Variants in PPP1R12B observed in about 807,000 individuals in gnomAD.
PPP1R12B encodes the protein protein phosphatase 1 regulatory subunit 12B.
Under a neutral mutation model 126.1 loss-of-function variants are expected in PPP1R12B, and 76 were observed. The ratio of observed to expected loss-of-function variants is 0.60; its 90% CI spans 0.50 to 0.73. PPP1R12B has a LOEUF of 0.73. Among genes scored for constraint, PPP1R12B ranks in the 30% least tolerant of loss-of-function variants. PPP1R12B has a pLI of 0.00. For missense variants in PPP1R12B, 1,052 were observed against 1,205.1 expected (o/e 0.87, Z 1.88); for synonymous variants, 356 against 434.7 (o/e 0.82, Z 2.25).
chr1:202,558,913 T>C lies in PPP1R12B; in HGVS notation c.2507+20T>C, dbSNP rs755989298. ...TTCTAGGTAAGAACTCTCCCTGTTA[T>C]ATATGCATGCTTAATACTTGTGAGT... On this transcript the variant is annotated intron_variant, in intron 19 of 23. Transcript: ENST00000608999. The C allele has an allele frequency of 1.1e-5, 18 of 1,583,936 alleles. No homozygotes were observed. The South Asian group carries it at 1.6e-4, about 14-fold the overall frequency.
intron 18 of PPP1R12B, among the ~76,000 whole-genome samples, chr1:202,515,866 G>T (rs1431901011): frequency 1.3e-5 from 2 of 152,134 alleles, no homozygotes; most frequent in African/African-American, 4.8e-5. Context: ...CGTAGTGTTG[G>T]TATATCCGAT....
chr1:202,493,687 A>T (rs1386897718), intron 15 of PPP1R12B, among the ~76,000 whole-genome samples: 1 of 152,234 alleles, frequency 6.6e-6, no homozygotes, highest in Non-Finnish European at 1.5e-5. Context: ...AATGCATTTA[A>T]TCCTCATAAC....
At chr1:202,417,621 C>G (rs1373451912) in intron 2 of PPP1R12B, among the ~76,000 whole-genome samples, 3 of 152,150 alleles carry the variant, frequency 2.0e-5, no homozygotes, top group South Asian at 2.1e-4. Context: ...TTTGAAATGG[C>G]AGTCGAAACA....
chr1:202,561,893 C>T (rs1359131234), intron 19 of PPP1R12B, among the ~76,000 whole-genome samples: 1 of 152,204 alleles, frequency 6.6e-6, no homozygotes, highest in Non-Finnish European at 1.5e-5. Flanking sequence ...ATAGCTACCA[C>T]AGGACAGATA....
At chr1:202,408,899 A>G (rs940615901) in intron 1 of PPP1R12B, among the ~76,000 whole-genome samples, 2 of 135,942 alleles carry the variant, frequency 1.5e-5, no homozygotes, top group African/African-American at 5.7e-5. Flanking sequence ...AGGCTGGACT[A>G]CAGTCTCTGC....
At chr1:202,511,517 T>C (rs1336893667) in intron 18 of PPP1R12B, among the ~76,000 whole-genome samples, 4 of 152,012 alleles carry the variant, frequency 2.6e-5, no homozygotes, top group African/African-American at 9.7e-5. Flanking sequence ...GTGCCCGGCA[T>C]ATGTAGTCTT....
rs570060223 is a variant in PPP1R12B at position 202,558,150 on chromosome 1, A to AG, written c.2491-724dup. The stretch of plus-strand genomic sequence containing the variant: ...GCCAGAGTTCTTTAAAAAAAAAAAA[A>AG]GGGATAGGAGGGTAAAGGTCATCTA... On this transcript the variant is annotated intron_variant, in intron 18 of 23. Transcript: ENST00000608999. Among the ~76,000 whole-genome samples the AG allele has an allele frequency of 3.6e-4, 55 of 151,778 alleles. 2 individuals are homozygous for AG. The East Asian group carries it at 7.9e-3, about 22-fold the overall frequency.
Position 202,354,740 on chromosome 1 carries a change from C to T in PPP1R12B, c.291+5598C>T, listed in dbSNP as rs891113523. 5.3e-5 allele frequency among the ~76,000 whole-genome samples: 8 copies of T among 152,002 alleles called. No individual in the cohort carries two copies. The East Asian group carries it at 1.2e-3, about 22-fold the overall frequency. On this transcript the variant is annotated intron_variant, in intron 1 of 23. Transcript: ENST00000608999. ...TCGACTCACTGCAACCTCTGCGTCCCGGGCTCAAGCAATTCTCCTGCCGTA... is the reference window on the plus strand; with the variant it reads ...TCGACTCACTGCAACCTCTGCGTCCTGGGCTCAAGCAATTCTCCTGCCGTA...
At chr1:202,366,978 CAT>C (rs1433186328) in intron 1 of PPP1R12B, among the ~76,000 whole-genome samples, 3 of 152,136 alleles carry the variant, frequency 2.0e-5, no homozygotes, top group African/African-American at 7.2e-5. Context: ...ATAGTGAAGT[CAT>C]GTGCATAGTT....
chr1:202,366,563 A>ATTATGATTTT (rs1659277513), intron 1 of PPP1R12B, among the ~76,000 whole-genome samples: 1 of 151,574 alleles, frequency 6.6e-6, no homozygotes, highest in African/African-American at 2.4e-5. Context: ...TTCTTAATAC[A>ATTATGATTTT]GTAATGATAA....
chr1:202,438,758 G>A (rs527308580), intron 10 of PPP1R12B: 35 of 717,848 alleles, frequency 4.9e-5, no homozygotes, highest in Admixed American at 2.1e-4. Flanking sequence ...GCATGTGGGA[G>A]CTGGTGTTCA....
In PPP1R12B at chr1:202,387,016, A is replaced by G. The variant is rs778813542; in HGVS notation, c.292-29771A>G. On this transcript the variant is annotated intron_variant, in intron 1 of 23. Coordinates refer to ENST00000608999, the MANE Select transcript of PPP1R12B (RefSeq NM_002481.4). ...TTCATTGCTAGTCCTAACTTAGTCT[A>G]GTGACTAAGAAGATGCAACTATTGA... 3.3e-5 allele frequency among the ~76,000 whole-genome samples: 5 copies of G among 152,318 alleles called. No homozygotes were observed. In the East Asian group the frequency reaches 7.7e-4, roughly 23 times the overall value.
chr1:202,456,363 T>C (rs796319344), intron 13 of PPP1R12B, among the ~76,000 whole-genome samples: 15 of 152,232 alleles, frequency 9.9e-5, no homozygotes, highest in African/African-American at 2.2e-4. Flanking sequence ...ATGGAACTTA[T>C]AAGGCTCCCT....
In PPP1R12B at chr1:202,438,387, C is replaced by T. The variant is rs1377692855; in HGVS notation, c.1458+363C>T. On this transcript the variant is annotated intron_variant, in intron 10 of 23. Transcript: ENST00000608999. ...GATCCAGAGGGCCAATTCCCGTCCC[C>T]CCAGCGGCATGGCTTCGTGTGCTGA... The T allele has an allele frequency of 4.4e-6, 3 of 678,502 alleles. No individual in the cohort carries two copies. In the African/African-American group the frequency reaches 5.5e-5, roughly 12 times the overall value. 42.0% of individuals were successfully genotyped at this position (678,502 alleles called of 1,614,324 possible).
intron 12 of PPP1R12B, chr1:202,445,356 A>C: frequency 1.3e-6 from 1 of 798,472 alleles, no homozygotes; most frequent in Non-Finnish European, 1.7e-6. Context: ...AAAATGTCTG[A>C]ATTTAATGAA....
intron 1 of PPP1R12B, among the ~76,000 whole-genome samples, chr1:202,383,017 A>G (rs774430235): frequency 6.6e-6 from 1 of 152,208 alleles, no homozygotes; most frequent in Non-Finnish European, 1.5e-5. Context: ...TTATGTAGAG[A>G]TAGTTATAGA....
rs1161991548 is a variant in PPP1R12B, at chr1:202,495,313, G to A, written c.2166G>A (p.Arg722=). 5.7e-6 allele frequency: 9 copies of A among 1,570,650 alleles called. No individual in the cohort carries two copies. The highest frequency in any genetic ancestry group is 7.7e-6 in the Non-Finnish European group (9 of 1,162,212). ...TCCAGCCTATCTGTCATCGCCTGAGGTGCCCAGCTCAGCCAGACAAACCCA... is the reference window on the plus strand; with the variant it reads ...TCCAGCCTATCTGTCATCGCCTGAGATGCCCAGCTCAGCCAGACAAACCCA... ...LDEEPICHRL[R]CPAQPDKPTT... Residue 722 remains arginine (R), a synonymous_variant, in exon 16 of 24, where the codon AGG becomes AGA. Coordinates refer to ENST00000608999, the MANE Select transcript of PPP1R12B (RefSeq NM_002481.4).
At chr1:202,364,591 T>A (rs1226376717) in intron 1 of PPP1R12B, among the ~76,000 whole-genome samples, 1 of 151,852 alleles carries the variant, frequency 6.6e-6, no homozygotes, top group Non-Finnish European at 1.5e-5. Context: ...TATTTATTTT[T>A]TTTGAGACGG....
chr1:202,401,361 ATTTTTTTTTTTTTT>A (rs34810265), intron 1 of PPP1R12B, among the ~76,000 whole-genome samples: 11 of 71,426 alleles, frequency 1.5e-4, no homozygotes, highest in African/African-American at 4.7e-4. Context: ...GGCTAATTTA[ATTTTTTTTTTTTTT>A]TTTTTTTTTT....
Sources: allele counts gnomAD v4.1 joint callset (sites outside exome capture counted in the v4.1 genomes callset), GRCh38; gene constraint gnomAD v4.1.1; transcripts MANE v1.5; gene names NCBI Gene and HGNC (gene_info 2026-07-23, HGNC 2026-07-21).